The following GAPVD1 variants were observed in gnomAD, a reference collection of about 807,000 sequenced individuals.
GAPVD1 encodes GTPase activating protein and VPS9 domains 1.
Under a neutral mutation model 155.5 loss-of-function variants are expected in GAPVD1, and 35 were observed. The ratio of observed to expected loss-of-function variants is 0.23; its 90% confidence interval spans 0.17 to 0.30. GAPVD1 has a LOEUF of 0.30. Ranked by LOEUF, GAPVD1 falls within the 10% of genes least tolerant of loss-of-function variation. The pLI, the probability that GAPVD1 is intolerant of heterozygous loss-of-function variation, is 1.00. For synonymous variants in GAPVD1, 636 were observed against 619.7 expected, an observed-to-expected ratio of 1.03 and a Z score of -0.39; for missense variants, 1,429 against 1,775.7, an observed-to-expected ratio of 0.80 and a Z score of 3.51.
intron 9 of GAPVD1, among the ~76,000 whole-genome samples, chr9:125,318,445 G>A (rs1843764133): frequency 6.6e-6 from 1 of 152,172 alleles, no homozygotes. Flanking sequence ...GTGGCTTTCT[G>A]TATGGCGTCT....
intron 9 of GAPVD1, among the ~76,000 whole-genome samples, chr9:125,316,542 A>C (rs1843449217): frequency 6.6e-6 from 1 of 152,200 alleles, no homozygotes; most frequent in Non-Finnish European, 1.5e-5. Context: ...CCACTATGGC[A>C]CATGTATCCC....
chr9:125,274,811 C>G (rs945657589), intron 2 of GAPVD1, among the ~76,000 whole-genome samples: 15 of 152,056 alleles, frequency 9.9e-5, no homozygotes, highest in Non-Finnish European at 1.8e-4. Flanking sequence ...TGAACATACC[C>G]TATGAAGTAG....
chr9:125,287,164 T>C (rs1358610445), intron 2 of GAPVD1, among the ~76,000 whole-genome samples: 1 of 152,146 alleles, frequency 6.6e-6, no homozygotes, highest in Non-Finnish European at 1.5e-5. Flanking sequence ...AAGGAAGGTT[T>C]TATTGAGTCT....
chr9:125,317,950 A>G (rs1843697277), intron 9 of GAPVD1, among the ~76,000 whole-genome samples: 1 of 152,208 alleles, frequency 6.6e-6, no homozygotes, highest in South Asian at 2.1e-4. Context: ...AGATGGATCA[A>G]TTGAGATTAT....
At chr9:125,267,722 AT>A (rs200749817) in intron 1 of GAPVD1, among the ~76,000 whole-genome samples, 5 of 149,012 alleles carry the variant, frequency 3.4e-5, no homozygotes, top group Non-Finnish European at 7.5e-5. Context: ...TAAAAAAAGA[AT>A]TTTTTTTTTA....
chr9:125,325,824 T>A (rs1845088732), intron 11 of GAPVD1, among the ~76,000 whole-genome samples: 1 of 152,232 alleles, frequency 6.6e-6, no homozygotes, highest in Non-Finnish European at 1.5e-5. Context: ...TCACCTTCCA[T>A]GGCTTCAGTT....
chr9:125,275,021 T>A (rs1303477714), intron 2 of GAPVD1, among the ~76,000 whole-genome samples: 1 of 152,194 alleles, frequency 6.6e-6, no homozygotes, highest in East Asian at 1.9e-4. Flanking sequence ...TGATGTCTGA[T>A]GGACATCTTT....
Position 125,350,400 on chromosome 9 carries a change from A to G in GAPVD1, c.3405A>G (p.Pro1135=), listed in dbSNP as rs1273586522. 6.3e-7 allele frequency: 1 copy of G among 1,591,586 alleles called. No individual in the cohort carries two copies. Among genetic ancestry groups the G allele is most frequent in the Non-Finnish European group, 8.6e-7 (1 of 1,159,806 alleles). The part of the protein sequence containing the change: ...TRNGLPDHTD[P]EDNEIVCFLK... ...ATGGTTTACCAGACCACACAGACCC[A>G]GAAGGTAAATTGCTGCAGGATCGTT... is the stretch of plus-strand genomic sequence containing the variant. The change falls in exon 22 of 28, where the codon CCA becomes CCG. Residue 1135 remains proline, a synonymous_variant. Transcript: ENST00000297933.
Position 125,350,829 on chromosome 9 carries a change from A to G in GAPVD1, c.3526A>G (p.Arg1176Gly). Residue 1176 changes from arginine (R) to glycine (G), a missense_variant, in exon 23 of 28, where the codon AGG (arginine) becomes GGG (glycine). This residue lies in a region of GAPVD1 where 699 missense variants were observed against 826.0 expected (regional missense o/e 0.85). Transcript: ENST00000297933. ...GCGCTGTGTGTGCCGTTTTGATAAT[A>G]GGACTTGTAGGAAACTGCTGGCTTC... ...TMRCVCRFDN[R>G]TCRKLLASIA... The G allele has an allele frequency of 6.2e-7, 1 of 1,613,992 alleles. No homozygotes were observed. The highest frequency in any genetic ancestry group is 8.5e-7 in the Non-Finnish European group (1 of 1,179,852).
At chr9:125,323,706 T>G in intron 10 of GAPVD1, 92 bp from the exon 11 acceptor site, 1 of 1,194,008 alleles carries the variant, frequency 8.4e-7, no homozygotes. Context: ...AACACTTTAA[T>G]CAGTTGTTAG....
chr9:125,292,764 A>C (rs1295700439), intron 2 of GAPVD1, among the ~76,000 whole-genome samples: 1 of 152,162 alleles, frequency 6.6e-6, no homozygotes, highest in Non-Finnish European at 1.5e-5. Flanking sequence ...CTTGCCAAAT[A>C]CATGCAGGAT....
At chr9:125,307,995 C>G in intron 8 of GAPVD1, 115 bp downstream of exon 8, 1 of 730,950 alleles carries the variant, frequency 1.4e-6, no homozygotes, top group South Asian at 1.6e-5. Flanking sequence ...TCTTTCTCTT[C>G]ATGTTTACTG....
intron 2 of GAPVD1, among the ~76,000 whole-genome samples, chr9:125,272,895 G>T (rs1187856972): frequency 6.6e-6 from 1 of 152,126 alleles, no homozygotes; most frequent in Non-Finnish European, 1.5e-5. Context: ...TTACAGCTCA[G>T]CAAAAATGCA....
intron 25 of GAPVD1, among the ~76,000 whole-genome samples, chr9:125,357,152 T>A (rs1392674805): frequency 1.3e-5 from 2 of 152,190 alleles, no homozygotes; most frequent in Non-Finnish European, 2.9e-5. Flanking sequence ...GTTTGTGTGA[T>A]CCTTTGATGA....
rs530641185 is a variant in GAPVD1 at position 125,298,581 on chromosome 9, C to T, written c.-32-309C>T. On this transcript the variant is annotated intron_variant, in intron 3 of 27. Coordinates refer to ENST00000297933, the MANE Select transcript of GAPVD1 (RefSeq NM_001282680.3). ...TCAGCTCACTGCAACCTCTGTCTCCCGGGTTCAAGGAATCCCCCTGCCTCA... is the reference window on the plus strand; with the variant it reads ...TCAGCTCACTGCAACCTCTGTCTCCTGGGTTCAAGGAATCCCCCTGCCTCA... Among the ~76,000 whole-genome samples, 103 of 149,692 alleles carry T rather than the reference C, an allele frequency of 6.9e-4. 1 individual carries two copies. The South Asian group carries it at 9.1e-3, about 13-fold the overall frequency.
intron 12 of GAPVD1, 71 bp from the exon 13 acceptor site, chr9:125,330,007 G>C: frequency 7.7e-7 from 1 of 1,298,212 alleles, no homozygotes; most frequent in Non-Finnish European, 1.1e-6. Flanking sequence ...CTAGTGTTTG[G>C]CTTTTCTCCA....
At chr9:125,308,940 G>C (rs539250514) in intron 8 of GAPVD1, 1 of 152,222 alleles carries the variant, frequency 6.6e-6, no homozygotes, top group Non-Finnish European at 1.5e-5. Context: ...TCTTGGAGCA[G>C]GTGAAGTCTG....
chr9:125,265,384 C>T (rs565847395), intron 1 of GAPVD1, among the ~76,000 whole-genome samples: 1 of 151,580 alleles, frequency 6.6e-6, no homozygotes, highest in African/African-American at 2.4e-5. Flanking sequence ...GACTATAGGT[C>T]GGCACCACCA....
At chr9:125,321,881 A>C (rs1844369443) in intron 10 of GAPVD1, among the ~76,000 whole-genome samples, 1 of 152,226 alleles carries the variant, frequency 6.6e-6, no homozygotes, top group African/African-American at 2.4e-5. Context: ...GATATCATGC[A>C]TGTCGAAACG....
Sources: gnomAD v4.1 joint callset for allele counts (sites outside exome capture counted in the v4.1 genomes callset) on GRCh38, gnomAD v4.1.1 for gene constraint, gnomAD v4.1.1 regional missense constraint, MANE v1.5 for transcripts, NCBI Gene and HGNC (gene_info 2026-07-23, HGNC 2026-07-21) for gene names.